Variants in TBC1D16 observed in about 807,000 individuals in gnomAD.
The protein encoded by TBC1D16 is TBC1 domain family member 16.
A neutral mutation model predicts 74.7 loss-of-function variants in TBC1D16; 58 were observed. The ratio of observed to expected loss-of-function variants is 0.78; its 90% CI spans 0.63 to 0.97. TBC1D16 has a LOEUF of 0.97. TBC1D16 is among the 50% of genes least tolerant of loss of function. The pLI is 0.00. For missense variants in TBC1D16, 1,014 were observed against 1,079.5 expected, an observed-to-expected ratio of 0.94 and a Z score of 0.85; for synonymous variants, 493 against 474.7, an observed-to-expected ratio of 1.04 and a Z score of -0.50.
intron 1 of TBC1D16, among the ~76,000 whole-genome samples, chr17:80,016,440 T>C (rs542603718): frequency 2.0e-4 from 30 of 152,330 alleles, no homozygotes; most frequent in African/African-American, 6.5e-4. Context: ...TTTACCACAA[T>C]AAAAAAGTTA....
rs1471647622 is a variant in TBC1D16 at position 79,951,448 on chromosome 17, A to C, written c.1089+2T>G. On this transcript the variant is annotated splice_donor_variant, in intron 5 of 11. Coordinates refer to ENST00000310924, the MANE Select transcript of TBC1D16 (RefSeq NM_019020.4). LOFTEE classifies it high-confidence loss of function. ...GCATTCTGGGGCCGTCTGCTGGGCT[A>C]CCTGGTCTTTGAGCTGCATCTCGGT... is the stretch of plus-strand genomic sequence containing the variant. 1.9e-6 allele frequency: 3 copies of C among 1,611,994 alleles called. No individual in the cohort carries two copies. The highest frequency in any genetic ancestry group is 2.5e-6 in the Non-Finnish European group (3 of 1,179,218).
Position 79,940,989 on chromosome 17 carries a change from C to T in TBC1D16, c.2174G>A (p.Cys725Tyr). ...WDSGSMPAVE[C>Y]TGHHPGSESC... is the part of the protein sequence containing the mutation. ...CTCCGAGCCGGGATGGTGGCCGGTG[C>T]ACTCCACCGCGGGCATGGAGCCGCT... Residue 725 changes from cysteine to tyrosine, a missense_variant, in exon 12 of 12, where the codon TGC becomes TAC. Coordinates refer to ENST00000310924, the MANE Select transcript of TBC1D16 (RefSeq NM_019020.4). The surrounding 1 kb of genome is among the most constrained non-coding windows in gnomAD (Gnocchi z 5.4). 1 of 1,608,060 alleles carries T rather than the reference C, an allele frequency of 6.2e-7. No individual in the cohort carries two copies. Among genetic ancestry groups the T allele is most frequent in the Non-Finnish European group, 8.5e-7 (1 of 1,178,106 alleles).
chr17:80,010,516 G>A lies in TBC1D16; in HGVS notation c.423C>T (p.Ile141=). The change falls in exon 3 of 12, where the codon ATC becomes ATT. Residue 141 remains isoleucine (I), a synonymous_variant. Coordinates refer to ENST00000310924, the MANE Select transcript of TBC1D16 (RefSeq NM_019020.4). The surrounding 1 kb of genome is among the most constrained non-coding windows in gnomAD (Gnocchi z 8.8). ...RPTLTPKDED[I]LVVAQSVPDR... ...CTGGAACACTCTGGGCCACCACCAG[G>A]ATGTCCTCATCTTTGGGGGTCAGGG... 1 of 1,611,236 alleles carries A rather than the reference G, an allele frequency of 6.2e-7. No individual in the cohort carries two copies. Among genetic ancestry groups the A allele is most frequent in the Non-Finnish European group, 8.5e-7 (1 of 1,178,980 alleles).
chr17:79,999,059 C>A (rs1454660767), intron 3 of TBC1D16, among the ~76,000 whole-genome samples: 1 of 152,088 alleles, frequency 6.6e-6, no homozygotes, highest in Non-Finnish European at 1.5e-5. Context: ...AATTTGAGAC[C>A]AGCCCGGCCA....
At position 79,937,033 on chromosome 17, in the gene TBC1D16, C is replaced by T. The variant is rs1379836642; in HGVS notation, c.*3826G>A. On this transcript the variant is annotated 3_prime_UTR_variant, in exon 12 of 12. Transcript: ENST00000310924. ...CATACAGGGAGGTGCTTCCTTCCCTCTGCCCAGCGAGCAAAGGGTGGAGCC... is the reference window on the plus strand; with the variant it reads ...CATACAGGGAGGTGCTTCCTTCCCTTTGCCCAGCGAGCAAAGGGTGGAGCC... 1 of 151,998 alleles carries T rather than the reference C, an allele frequency of 6.6e-6. No individual in the cohort carries two copies. Among genetic ancestry groups the T allele is most frequent in the Non-Finnish European group, 1.5e-5 (1 of 67,992 alleles). 9.4% of individuals were successfully genotyped at this position (151,998 alleles called of 1,614,324 possible).
chr17:79,944,119 G>C lies in TBC1D16; in HGVS notation c.1908+789C>G, dbSNP rs552770058. Reference sequence around the variant, plus strand: ...CAGACATCAGCCCCCTGCGGTGTGAGTGAGGACAGGAGACGCTGACGCAAA... The same window carrying C: ...CAGACATCAGCCCCCTGCGGTGTGACTGAGGACAGGAGACGCTGACGCAAA... On this transcript the variant is annotated intron_variant, in intron 10 of 11. Coordinates refer to ENST00000310924, the MANE Select transcript of TBC1D16 (RefSeq NM_019020.4). The surrounding 1 kb of genome is among the most constrained non-coding windows in gnomAD (Gnocchi z 7.7). The C allele has an allele frequency of 3.3e-6, 5 of 1,536,068 alleles. No individual in the cohort carries two copies. In the African/African-American group the frequency reaches 6.8e-5, roughly 21 times the overall value.
rs2034271846 is a variant in TBC1D16, at chr17:79,975,034, A to C, written c.780-22216T>G. Reference sequence around the variant, plus strand: ...CTATAGGTAAGAAGGCCCAAGGAAGAAGCCCTCTGCTCCGTCACCTCCTCG... The same window carrying C: ...CTATAGGTAAGAAGGCCCAAGGAAGCAGCCCTCTGCTCCGTCACCTCCTCG... On this transcript the variant is annotated intron_variant, in intron 3 of 11. Coordinates refer to ENST00000310924, the MANE Select transcript of TBC1D16 (RefSeq NM_019020.4). The surrounding 1 kb of genome is among the most constrained non-coding windows in gnomAD (Gnocchi z 4.5). Among the ~76,000 whole-genome samples, 1 of 152,116 alleles carries C rather than the reference A, an allele frequency of 6.6e-6. No homozygotes were observed. The highest frequency in any genetic ancestry group is 1.5e-5 in the Non-Finnish European group (1 of 68,026).
At chr17:79,976,786 C>T (rs141684776) in intron 3 of TBC1D16, among the ~76,000 whole-genome samples, 3 of 152,294 alleles carry the variant, frequency 2.0e-5, no homozygotes, top group East Asian at 1.9e-4. Flanking sequence ...AAGCCTCTTC[C>T]GTTGACAGTG....
chr17:79,963,852 T>C (rs1274704197), intron 3 of TBC1D16, among the ~76,000 whole-genome samples: 1 of 152,248 alleles, frequency 6.6e-6, no homozygotes, highest in African/African-American at 2.4e-5. Context: ...TACCTTCATG[T>C]GCTTATCGGG....
rs897155631 is a variant in TBC1D16 at position 80,009,597 on chromosome 17, G to A, written c.779+563C>T. 6.6e-6 allele frequency among the ~76,000 whole-genome samples: 1 copy of A among 152,194 alleles called. No individual in the cohort carries two copies. The highest frequency in any genetic ancestry group is 1.5e-5 in the Non-Finnish European group (1 of 68,020). On this transcript the variant is annotated intron_variant, in intron 3 of 11. Coordinates refer to ENST00000310924, the MANE Select transcript of TBC1D16 (RefSeq NM_019020.4). This position sits in a 1 kb window ranked among gnomAD's most constrained non-coding sequence, Gnocchi z 5.4. ...GGTGAATATGGTCAACACTGCCCCG[G>A]GACTACATCCATCCTCCACAGCTAT... is the stretch of plus-strand genomic sequence containing the variant.
chr17:80,025,796 T>C lies in TBC1D16; in HGVS notation c.-63+9999A>G, dbSNP rs1022584194. On this transcript the variant is annotated intron_variant, in intron 1 of 11. Coordinates refer to ENST00000310924, the MANE Select transcript of TBC1D16 (RefSeq NM_019020.4). ...GGTTCACCTGTCGGTGTCACACGGTTCCTTCTTCACACAGCAGGAACAGAG... is the reference window on the plus strand; with the variant it reads ...GGTTCACCTGTCGGTGTCACACGGTCCCTTCTTCACACAGCAGGAACAGAG... The C allele has an allele frequency of 2.0e-5, 3 of 149,720 alleles. No individual in the cohort carries two copies. In the East Asian group the frequency reaches 5.8e-4, roughly 29 times the overall value. 9.3% of individuals were successfully genotyped at this position (149,720 alleles called of 1,614,324 possible). A position where few individuals can be genotyped will look rare whatever the true frequency, so the allele number is the denominator to read the frequency against.
At chr17:79,976,632 C>T (rs555334406) in intron 3 of TBC1D16, among the ~76,000 whole-genome samples, 30 of 152,312 alleles carry the variant, frequency 2.0e-4, no homozygotes, top group African/African-American at 4.6e-4. Context: ...GCAAGACCCC[C>T]GCCGCTCCTG....
chr17:80,014,157 G>A (rs1202686497), intron 1 of TBC1D16, among the ~76,000 whole-genome samples: 1 of 152,172 alleles, frequency 6.6e-6, no homozygotes, highest in Non-Finnish European at 1.5e-5. Flanking sequence ...AGGGGTTCGA[G>A]ACCAGCCTGG....
chr17:79,996,544 C>T lies in TBC1D16; in HGVS notation c.779+13616G>A, dbSNP rs554576593. 3.0e-4 allele frequency among the ~76,000 whole-genome samples: 45 copies of T among 152,184 alleles called. No homozygotes were observed. In the South Asian group the frequency reaches 6.8e-3, roughly 23 times the overall value. On this transcript the variant is annotated intron_variant, in intron 3 of 11. Transcript: ENST00000310924. The stretch of plus-strand genomic sequence containing the variant: ...GTAAATTTCTGGTGGGAGTGTAAAA[C>T]GGCCCAGCCACTCTATGCAACAGTT...
At chr17:80,033,289 T>C (rs1425130949) in intron 1 of TBC1D16, among the ~76,000 whole-genome samples, 1 of 152,132 alleles carries the variant, frequency 6.6e-6, no homozygotes, top group African/African-American at 2.4e-5. Flanking sequence ...GTAGTATAGA[T>C]GGGGAAATTA....
Position 80,013,357 on chromosome 17 carries a change from C to T in TBC1D16, c.181+10G>A. 6.3e-7 allele frequency: 1 copy of T among 1,596,416 alleles called. No homozygotes were observed. The highest frequency in any genetic ancestry group is 8.5e-7 in the Non-Finnish European group (1 of 1,172,044). ...TGTGCGACCCTGGAGCCTCGCCTGC[C>T]CTGGCTCACCTGGGTGGTGCTCCCC... On this transcript the variant is annotated intron_variant, in intron 2 of 11. Transcript: ENST00000310924.
Position 79,950,014 on chromosome 17 carries a change from G to C in TBC1D16, c.1258-149C>G. 1 of 1,051,808 alleles carries C rather than the reference G, an allele frequency of 9.5e-7. No individual in the cohort carries two copies. Among genetic ancestry groups the C allele is most frequent in the Non-Finnish European group, 1.4e-6 (1 of 739,682 alleles). 65.2% of individuals were successfully genotyped at this position (1,051,808 alleles called of 1,614,324 possible). On this transcript the variant is annotated intron_variant, in intron 6 of 11. Transcript: ENST00000310924. This position sits in a 1 kb window ranked among gnomAD's most constrained non-coding sequence, Gnocchi z 4.6. ...ACATATTTACAAGGGGAAAGCAGTG[G>C]CCTTCAATTCCCATACAGGACACAA...
At chr17:79,976,539 A>C (rs2034338644) in intron 3 of TBC1D16, among the ~76,000 whole-genome samples, 1 of 152,198 alleles carries the variant, frequency 6.6e-6, no homozygotes, top group African/African-American at 2.4e-5. Context: ...CTTCCCAACA[A>C]AGATGAGCTC....
Position 79,973,270 on chromosome 17 carries a change from C to T in TBC1D16, c.780-20452G>A, listed in dbSNP as rs111694628. On this transcript the variant is annotated intron_variant, in intron 3 of 11. Transcript: ENST00000310924. The stretch of plus-strand genomic sequence containing the variant: ...ATTAGGCACAGTAAGAGATGAACAA[C>T]AATAATAATAAAATAGAAGTGGCTG... Among the ~76,000 whole-genome samples the T allele has an allele frequency of 3.5e-3, 524 of 151,842 alleles. 2 individuals carry two copies. The highest frequency in any genetic ancestry group is 0.012 in the African/African-American group (482 of 41,424).
Sources: gnomAD v4.1 joint callset for allele counts (sites outside exome capture counted in the v4.1 genomes callset) on GRCh38, gnomAD v4.1.1 for gene constraint, Gnocchi (gnomAD v3.1) non-coding constraint, MANE v1.5 for transcripts, NCBI Gene and HGNC (gene_info 2026-07-23, HGNC 2026-07-21) for gene names.